The following FLACC1 variants were observed in gnomAD, a reference collection of about 807,000 sequenced individuals.
FLACC1 encodes the protein flagellum associated containing coiled-coil domains 1.
FLACC1 carries 66 observed loss-of-function variants against 62.8 expected under a neutral mutation model. That is an observed-to-expected ratio of 1.05 (90% CI 0.86 to 1.29). The LOEUF is 1.29. Among genes scored for constraint, FLACC1 ranks in the 50% most tolerant of loss-of-function variants. FLACC1 has a pLI of 0.00. For synonymous variants in FLACC1, 156 were observed against 161.0 expected, an observed-to-expected ratio of 0.97 and a Z score of 0.24; for missense variants, 452 against 489.1, an observed-to-expected ratio of 0.92 and a Z score of 0.71.
intron 11 of FLACC1, among the ~76,000 whole-genome samples, 195 bp from the exon 12 acceptor site, chr2:201,299,495 C>G (rs1238642768): frequency 1.3e-5 from 2 of 152,202 alleles, no homozygotes; most frequent in African/African-American, 4.8e-5. Context: ...TCAACCTTAT[C>G]TCACTGACAA....
chr2:201,351,210 G>T, intron 2 of FLACC1, 82 bp downstream of exon 2: 1 of 1,253,150 alleles, frequency 8.0e-7, no homozygotes, highest in Non-Finnish European at 1.1e-6. Flanking sequence ...CACACTTGCT[G>T]TTTTAGAAAT....
chr2:201,324,117 C>A (rs1203096716), intron 9 of FLACC1, among the ~76,000 whole-genome samples: 2 of 152,006 alleles, frequency 1.3e-5, no homozygotes, highest in Non-Finnish European at 2.9e-5. Context: ...AAGAGACTCA[C>A]CTAACATGAA....
chr2:201,357,613 A>T (rs1951140784), upstream of FLACC1, among the ~76,000 whole-genome samples: 1 of 152,248 alleles, frequency 6.6e-6, no homozygotes, highest in African/African-American at 2.4e-5. Flanking sequence ...ATTCAACAGC[A>T]CTTTTAGGCT....
At chr2:201,312,703 C>T (rs903260291) in intron 9 of FLACC1, among the ~76,000 whole-genome samples, 4 of 151,740 alleles carry the variant, frequency 2.6e-5, no homozygotes, top group African/African-American at 7.3e-5. Flanking sequence ...AGATGGTGGA[C>T]GGGAAGCAGG....
upstream of FLACC1, among the ~76,000 whole-genome samples, chr2:201,359,681 T>C (rs78710807): frequency 6.6e-6 from 1 of 152,202 alleles, no homozygotes; most frequent in Non-Finnish European, 1.5e-5. Context: ...AACTGGGCTC[T>C]TTCCATCTCT....
chr2:201,295,110 G>A (rs1302462134), intron 12 of FLACC1, among the ~76,000 whole-genome samples: 1 of 152,166 alleles, frequency 6.6e-6, no homozygotes, highest in Non-Finnish European at 1.5e-5. Flanking sequence ...TAGATTCAAT[G>A]CCATCCCCAT....
At chr2:201,352,365 T>C (rs531038511) in intron 1 of FLACC1, among the ~76,000 whole-genome samples, 81 of 152,260 alleles carry the variant, frequency 5.3e-4, no homozygotes, top group African/African-American at 1.8e-3. Flanking sequence ...ATTATGAGAA[T>C]CTTGATGAAA....
At chr2:201,311,471 C>G (rs1323827721) in intron 9 of FLACC1, among the ~76,000 whole-genome samples, 1 of 152,020 alleles carries the variant, frequency 6.6e-6, no homozygotes, top group Non-Finnish European at 1.5e-5. Context: ...CCTGTTATCC[C>G]AGCACTATGG....
In FLACC1 at chr2:201,289,533, G is replaced by A. The variant is rs1949680036; in HGVS notation, c.1066C>T (p.Gln356Ter). The change falls in exon 14 of 15, where the codon CAA (glutamine) becomes TAA (stop). Residue 356 changes from glutamine (Q) to a stop codon, truncating the protein, a stop_gained. Coordinates refer to ENST00000392257, the MANE Select transcript of FLACC1 (RefSeq NM_001127391.3). LOFTEE classifies it high-confidence loss of function. Reference protein sequence around the residue: ...AIVGNLEKMLQTKFAETEEKY... With the variant: ...AIVGNLEKML ...TCTTCAGTTTCAGCAAACTTGGTTT[G>A]AAGCATTTTCTCCAGATTTCCCACT... 1 of 1,614,160 alleles carries A rather than the reference G, an allele frequency of 6.2e-7. No individual in the cohort carries two copies. Among genetic ancestry groups the A allele is most frequent in the African/African-American group, 1.3e-5 (1 of 75,026 alleles).
At chr2:201,319,537 T>C (rs966456825) in intron 9 of FLACC1, among the ~76,000 whole-genome samples, 2 of 152,056 alleles carry the variant, frequency 1.3e-5, no homozygotes, top group East Asian at 1.9e-4. Flanking sequence ...AAAGAGCTTC[T>C]GCACAGCAAA....
rs187366813 is a variant in FLACC1, at chr2:201,328,055, G to A, written c.675+2415C>T. On this transcript the variant is annotated intron_variant, in intron 9 of 14. Transcript: ENST00000392257. ...TTATTCTAAACAAAGTAACACAGGA[G>A]TGGAAAACCAAAAACTGTATGATGT... Among the ~76,000 whole-genome samples, 369 of 152,246 alleles carry A rather than the reference G, an allele frequency of 2.4e-3. 3 individuals are homozygous for A. Among genetic ancestry groups the A allele is most frequent in the Non-Finnish European group, 4.3e-3 (292 of 68,014 alleles).
intron 6 of FLACC1, 113 bp from the exon 7 acceptor site, chr2:201,342,544 G>C: frequency 9.8e-7 from 1 of 1,022,030 alleles, no homozygotes; most frequent in Non-Finnish European, 1.5e-6. Flanking sequence ...CCAATTCATG[G>C]GGCACAGCCC....
At chr2:201,338,465 C>G (rs773848202) in intron 7 of FLACC1, among the ~76,000 whole-genome samples, 4 of 152,082 alleles carry the variant, frequency 2.6e-5, no homozygotes, top group Non-Finnish European at 4.4e-5. Flanking sequence ...AAGTAGCCAT[C>G]CTTATCTTGT....
At chr2:201,354,360 T>A (rs1048108198) in intron 1 of FLACC1, among the ~76,000 whole-genome samples, 2 of 152,138 alleles carry the variant, frequency 1.3e-5, no homozygotes, top group Admixed American at 1.3e-4. Flanking sequence ...GACCTGGCCT[T>A]GGAAGAAAGG....
intron 12 of FLACC1, among the ~76,000 whole-genome samples, chr2:201,293,626 G>C (rs1286579256): frequency 6.6e-6 from 1 of 152,052 alleles, no homozygotes; most frequent in African/African-American, 2.4e-5. Context: ...AGAAGCAAGA[G>C]CAAACACATT....
rs149236224 is a variant in FLACC1 at position 201,352,528 on chromosome 2, C to A, written c.-47-1077G>T. Among the ~76,000 whole-genome samples the A allele has an allele frequency of 1.8e-4, 28 of 152,262 alleles. 1 individual carries two copies. Among genetic ancestry groups the A allele is most frequent in the Admixed American group, 2.6e-4 (4 of 15,298 alleles). Reference sequence around the variant, plus strand: ...GGAGACAAGATTGCACAAGGGATGTCCGTACATGTTTGGCATAGTAACTAG... The same window carrying A: ...GGAGACAAGATTGCACAAGGGATGTACGTACATGTTTGGCATAGTAACTAG... On this transcript the variant is annotated intron_variant, in intron 1 of 14. Transcript: ENST00000392257.
At chr2:201,294,251 A>C (rs1267691470) in intron 12 of FLACC1, among the ~76,000 whole-genome samples, 1 of 152,218 alleles carries the variant, frequency 6.6e-6, no homozygotes, top group Non-Finnish European at 1.5e-5. Context: ...TCCCTGATGA[A>C]CATCGATGCA....
At position 201,324,729 on chromosome 2, in the gene FLACC1, G is replaced by A. The variant is rs528037230; in HGVS notation, c.675+5741C>T. Among the ~76,000 whole-genome samples, 5 of 152,160 alleles carry A rather than the reference G, an allele frequency of 3.3e-5. 1 individual carries two copies. The South Asian group carries it at 1.0e-3, about 32-fold the overall frequency. ...AATCCTCAAAACTATACAGATACATGGAAATAAAATAATCCATTCCTGAAT... is the reference window on the plus strand; with the variant it reads ...AATCCTCAAAACTATACAGATACATAGAAATAAAATAATCCATTCCTGAAT... On this transcript the variant is annotated intron_variant, in intron 9 of 14. Coordinates refer to ENST00000392257, the MANE Select transcript of FLACC1 (RefSeq NM_001127391.3).
chr2:201,288,463 T>C lies in FLACC1; in HGVS notation c.*192A>G, dbSNP rs569264691. Reference sequence around the variant, plus strand: ...GCTCCCAGTATGGAGAGCATCATTTTTCAGTGAAGAGTCCGTGATAAGCTG... The same window carrying C: ...GCTCCCAGTATGGAGAGCATCATTTCTCAGTGAAGAGTCCGTGATAAGCTG... On this transcript the variant is annotated 3_prime_UTR_variant, in exon 15 of 15. Transcript: ENST00000392257. The C allele has an allele frequency of 5.3e-6, 3 of 569,568 alleles. No individual in the cohort carries two copies. Among genetic ancestry groups the C allele is most frequent in the East Asian group, 3.1e-5 (1 of 32,500 alleles). 35.3% of individuals were successfully genotyped at this position (569,568 alleles called of 1,614,324 possible).
Sources: gnomAD v4.1 joint callset for allele counts (sites outside exome capture counted in the v4.1 genomes callset) on GRCh38, gnomAD v4.1.1 for gene constraint, MANE v1.5 for transcripts, NCBI Gene and HGNC (gene_info 2026-07-23, HGNC 2026-07-21) for gene names.